The following ADGRV1 variants were observed in gnomAD, a reference collection of about 807,000 sequenced individuals.
ADGRV1 encodes adhesion G protein-coupled receptor V1.
A neutral mutation model predicts 596.2 loss-of-function variants in ADGRV1; 359 were observed. The observed-to-expected ratio is 0.60, with a 90% CI of 0.55 to 0.66. ADGRV1 has a LOEUF of 0.66. Ranked by LOEUF, ADGRV1 falls within the 30% of genes least tolerant of loss-of-function variation. The pLI is 0.00. For synonymous variants in ADGRV1, 2,681 were observed against 2,679.2 expected (o/e 1.00, Z -0.02); for missense variants, 7,274 against 7,575.6 (o/e 0.96, Z 1.48).
intron 28 of ADGRV1, 38 bp downstream of exon 28, chr5:90,684,233 C>T: frequency 6.7e-7 from 1 of 1,502,674 alleles, no homozygotes; most frequent in Non-Finnish European, 8.9e-7. Flanking sequence ...ATTATTAGCT[C>T]TCAGAATCCT....
At chr5:90,745,895 G>T (rs1754573800) in intron 52 of ADGRV1, 100 bp downstream of exon 52, 1 of 689,076 alleles carries the variant, frequency 1.5e-6, no homozygotes, top group Non-Finnish European at 2.5e-6. Context: ...TAGTTTGAGT[G>T]TCATCAGCCT....
rs539845801 is a variant in ADGRV1, at chr5:90,755,255, T to C, written c.11580+70T>C. ...TCTCTTAAGTAAAATTGTGATGCTC[T>C]TGTAAGTAAAAATCTTTTTTTTAAT... On this transcript the variant is annotated intron_variant, in intron 55 of 89. Transcript: ENST00000405460. The C allele has an allele frequency of 1.9e-5, 19 of 1,007,004 alleles. No homozygotes were observed. In the Admixed American group the frequency reaches 5.2e-4, roughly 28 times the overall value. The allele number at this position is 1,007,004 out of a possible 1,614,324, so 62.4% of individuals were successfully genotyped here. A position where few individuals can be genotyped will look rare whatever the true frequency, so the allele number is the denominator to read the frequency against.
chr5:90,663,984 G>C (rs1279629816), intron 21 of ADGRV1, among the ~76,000 whole-genome samples: 1 of 144,986 alleles, frequency 6.9e-6, no homozygotes, highest in Non-Finnish European at 1.5e-5. Flanking sequence ...CTCTGTTTTG[G>C]TACCAGTACC....
chr5:90,645,862 G>T, intron 15 of ADGRV1, 106 bp from the exon 16 acceptor site: 1 of 794,634 alleles, frequency 1.3e-6, no homozygotes, highest in Non-Finnish European at 1.8e-6. Flanking sequence ...AATGAATAAT[G>T]GTAGTGTTAA....
intron 83 of ADGRV1, among the ~76,000 whole-genome samples, chr5:90,886,338 G>A (rs996943177): frequency 2.6e-5 from 4 of 152,104 alleles, no homozygotes; most frequent in African/African-American, 9.7e-5. Context: ...ACTGCTAGAG[G>A]TTGTCAGCTC....
At chr5:90,673,682 A>ACTAATT (rs1267129410) in intron 22 of ADGRV1, among the ~76,000 whole-genome samples, 1 of 152,186 alleles carries the variant, frequency 6.6e-6, no homozygotes, top group East Asian at 1.9e-4. Flanking sequence ...CTCCCTCAAC[A>ACTAATT]CTAATTCCAT....
chr5:90,941,919 C>G (rs373375017), intron 83 of ADGRV1, among the ~76,000 whole-genome samples: 7 of 152,126 alleles, frequency 4.6e-5, no homozygotes, highest in African/African-American at 1.7e-4. Flanking sequence ...TTTTAGACAT[C>G]GGTTTCAATT....
intron 85 of ADGRV1, among the ~76,000 whole-genome samples, chr5:91,007,674 G>C (rs1003982636): frequency 6.6e-6 from 1 of 152,110 alleles, no homozygotes; most frequent in African/African-American, 2.4e-5. Context: ...GAGCCGTATC[G>C]CAAGTGAAAA....
intron 21 of ADGRV1, among the ~76,000 whole-genome samples, chr5:90,667,404 A>G (rs6883737): frequency 0.54 from 77,416 of 142,354 alleles, 21,947 homozygotes; most frequent in East Asian, 0.8. Flanking sequence ...TGATTGCATC[A>G]GCTCCTGAGG....
At chr5:90,622,943 G>T (rs1764280721) in intron 5 of ADGRV1, among the ~76,000 whole-genome samples, 1 of 152,100 alleles carries the variant, frequency 6.6e-6, no homozygotes, top group African/African-American at 2.4e-5. Context: ...GTGTCACCAT[G>T]TTGGCCAGGC....
intron 85 of ADGRV1, among the ~76,000 whole-genome samples, chr5:91,050,264 C>T (rs909840007): frequency 7.2e-5 from 11 of 152,152 alleles, no homozygotes; most frequent in African/African-American, 2.4e-4. Context: ...TATCTTTTCC[C>T]GTTGTTCTGA....
At chr5:91,108,462 T>TA (rs1379482935) in intron 87 of ADGRV1, among the ~76,000 whole-genome samples, 1 of 58,682 alleles carries the variant, frequency 1.7e-5, no homozygotes, top group African/African-American at 5.9e-5. Flanking sequence ...ATAGGTGCTC[T>TA]AAAACTATGA....
intron 85 of ADGRV1, among the ~76,000 whole-genome samples, chr5:91,034,729 C>T (rs2151243275): frequency 6.6e-6 from 1 of 152,182 alleles, no homozygotes; most frequent in Middle Eastern, 3.4e-3. Context: ...TTTTTTGCAT[C>T]CTGCCAAATT....
At position 90,694,427 on chromosome 5, in the gene ADGRV1, G is replaced by A; in HGVS notation, c.7671G>A (p.Gln2557=). 6.2e-7 allele frequency: 1 copy of A among 1,613,980 alleles called. No individual in the cohort carries two copies. Among genetic ancestry groups the A allele is most frequent in the Middle Eastern group, 1.7e-4 (1 of 6,060 alleles). Residue 2557 remains glutamine, a synonymous_variant, in exon 33 of 90, where the codon CAG becomes CAA. Coordinates refer to ENST00000405460, the MANE Select transcript of ADGRV1 (RefSeq NM_032119.4). ...LMNISASLKN[Q]PTIGQPNIST... ...ACATTTCAGCCAGTTTGAAAAATCAGCCAACCATAGGACAGCCAAATATTT... is the reference window on the plus strand; with the variant it reads ...ACATTTCAGCCAGTTTGAAAAATCAACCAACCATAGGACAGCCAAATATTT...
chr5:90,861,317 T>TTG (rs1767536781), intron 82 of ADGRV1, among the ~76,000 whole-genome samples: 2 of 151,990 alleles, frequency 1.3e-5, no homozygotes, highest in African/African-American at 4.8e-5. Context: ...TTTTTTTTGT[T>TTG]TTTGTTTTTG....
In ADGRV1 at chr5:91,149,923, G is replaced by A. The variant is rs1368241040; in HGVS notation, c.18433-107G>A. 4.9e-6 allele frequency: 4 copies of A among 822,492 alleles called. No individual in the cohort carries two copies. The Admixed American group carries it at 8.5e-5, about 18-fold the overall frequency. 50.9% of individuals were successfully genotyped at this position (822,492 alleles called of 1,614,324 possible). On this transcript the variant is annotated intron_variant, in intron 87 of 89. Transcript: ENST00000405460. ...ATTTCTTCATAGCAGCATGAGAATG[G>A]ACCAATACAACCATGTTTATTCTTC...
intron 28 of ADGRV1, among the ~76,000 whole-genome samples, chr5:90,685,436 T>G: frequency 6.6e-6 from 1 of 151,782 alleles, no homozygotes; most frequent in Non-Finnish European, 1.5e-5. Flanking sequence ...ATAAAAGAAA[T>G]TAGCCGGGCA....
intron 54 of ADGRV1, 73 bp from the exon 55 acceptor site, chr5:90,754,910 C>A (rs1755664041): frequency 9.7e-7 from 1 of 1,032,116 alleles, no homozygotes; most frequent in Non-Finnish European, 1.5e-6. Context: ...TAGAGTGTTC[C>A]ACTCTAGGTC....
chr5:91,005,696 C>G (rs1379136629), intron 85 of ADGRV1, among the ~76,000 whole-genome samples: 1 of 152,138 alleles, frequency 6.6e-6, no homozygotes, highest in East Asian at 1.9e-4. Context: ...TTTCTGTATC[C>G]TGTTAGTCAC....
Sources: gnomAD v4.1 joint callset for allele counts (sites outside exome capture counted in the v4.1 genomes callset) on GRCh38, gnomAD v4.1.1 for gene constraint, MANE v1.5 for transcripts, NCBI Gene and HGNC (gene_info 2026-07-23, HGNC 2026-07-21) for gene names.